Variants in SCIN observed in about 807,000 individuals in gnomAD.
The protein encoded by SCIN is adseverin.
SCIN carries 91 observed loss-of-function variants against 91.8 expected under a neutral mutation model. That is an observed-to-expected ratio of 0.99 (90% CI 0.84 to 1.18). The LOEUF is 1.18. SCIN is among the 50% of genes most tolerant of loss of function. The pLI, the probability that SCIN is intolerant of heterozygous loss-of-function variation, is 0.00. For synonymous variants in SCIN, 367 were observed against 312.6 expected (o/e 1.17, Z -1.84); for missense variants, 1,087 against 863.9 (o/e 1.26, Z -3.24).
intron 10 of SCIN, among the ~76,000 whole-genome samples, chr7:12,638,370 T>C (rs1783794585): frequency 6.6e-6 from 1 of 152,190 alleles, no homozygotes. Context: ...TTGGCCAGTT[T>C]CTGAGAAGCC....
intron 3 of SCIN, chr7:12,589,509 C>G (rs1317462716): frequency 1.3e-5 from 2 of 152,562 alleles, no homozygotes; most frequent in Non-Finnish European, 2.9e-5. Context: ...AGGCGTGAGC[C>G]ACTGCACCCG....
intron 3 of SCIN, among the ~76,000 whole-genome samples, chr7:12,594,370 G>A (rs1782792709): frequency 6.6e-6 from 1 of 152,136 alleles, no homozygotes; most frequent in Non-Finnish European, 1.5e-5. Flanking sequence ...GTAGGATTTG[G>A]AAAGTAGAGC....
At position 12,658,839 on chromosome 7, in the gene SCIN, AT is replaced by A. The variant is rs1487625517; in HGVS notation, c.*6126del. 1 of 152,230 alleles carries A rather than the reference AT, an allele frequency of 6.6e-6. No homozygotes were observed. Among genetic ancestry groups the A allele is most frequent in the African/African-American group, 2.4e-5 (1 of 41,460 alleles). The allele number at this position is 152,230 out of a possible 1,614,324, so 9.4% of individuals were successfully genotyped here. On this transcript the variant is annotated 3_prime_UTR_variant, in exon 16 of 16. Transcript: ENST00000297029. ...TGGAATATTACGAGTAGAAATTGTAATTACTGTAGAATGTATAGTGTTTTGA... is the reference window on the plus strand; with the variant it reads ...TGGAATATTACGAGTAGAAATTGTAATACTGTAGAATGTATAGTGTTTTGA...
chr7:12,584,045 C>T (rs1782539775), intron 3 of SCIN, among the ~76,000 whole-genome samples: 1 of 152,096 alleles, frequency 6.6e-6, no homozygotes, highest in Admixed American at 6.5e-5. Flanking sequence ...CCTACATAAT[C>T]TATGGCAAAT....
intron 15 of SCIN, 86 bp from the exon 16 acceptor site, chr7:12,652,502 A>C: frequency 8.3e-7 from 1 of 1,200,368 alleles, no homozygotes; most frequent in Non-Finnish European, 1.2e-6. Context: ...TTAATTCATT[A>C]CTTTTATTCG....
Position 12,586,014 on chromosome 7 carries a change from C to G in SCIN, c.516+4793C>G, listed in dbSNP as rs367764917. On this transcript the variant is annotated intron_variant, in intron 3 of 15. Transcript: ENST00000297029. ...CCTTTAGGGTCAGATTTAGACTTAA[C>G]TTCCCTGTCATTATGCAGAGACTTG... 9.2e-5 allele frequency among the ~76,000 whole-genome samples: 14 copies of G among 152,306 alleles called. No homozygotes were observed. The East Asian group carries it at 1.5e-3, about 17-fold the overall frequency.
At chr7:12,649,672 C>A in intron 14 of SCIN, 128 bp downstream of exon 14, 1 of 487,142 alleles carries the variant, frequency 2.1e-6, no homozygotes, top group Middle Eastern at 3.6e-4. Context: ...AAAAAACACA[C>A]ACACACATTT....
chr7:12,626,372 G>C (rs934394152), intron 7 of SCIN: 15 of 537,538 alleles, frequency 2.8e-5, no homozygotes, highest in Non-Finnish European at 4.6e-5. Flanking sequence ...TACTGCAGGG[G>C]TAACATATTA....
chr7:12,654,310 G>A lies in SCIN; in HGVS notation c.*1595G>A, dbSNP rs143422279. 2.1e-4 allele frequency: 32 copies of A among 152,262 alleles called. No homozygotes were observed. The highest frequency in any genetic ancestry group is 7.5e-4 in the African/African-American group (31 of 41,554). 9.4% of individuals were successfully genotyped at this position (152,262 alleles called of 1,614,324 possible). ...ATTCACTGATATTTTAGCAGATAAT[G>A]TGGCCGTCCAGGCAGGCATGAGATT... On this transcript the variant is annotated 3_prime_UTR_variant, in exon 16 of 16. Transcript: ENST00000297029.
chr7:12,622,964 G>A, intron 5 of SCIN, 71 bp downstream of exon 5: 5 of 1,079,650 alleles, frequency 4.6e-6, no homozygotes, highest in Non-Finnish European at 6.8e-6. Context: ...GTATTGGGCG[G>A]GATTCCCGTT....
chr7:12,598,873 A>C (rs1257874088), intron 3 of SCIN, among the ~76,000 whole-genome samples: 1 of 152,120 alleles, frequency 6.6e-6, no homozygotes, highest in Non-Finnish European at 1.5e-5. Flanking sequence ...GCATCACTGC[A>C]CTCCAGCCTA....
At chr7:12,649,666 A>AC (rs543378507) in intron 14 of SCIN, 122 bp downstream of exon 14, 6 of 507,026 alleles carry the variant, frequency 1.2e-5, no homozygotes, top group East Asian at 3.3e-5. Context: ...GTATTTAAAA[A>AC]ACACACACAC....
chr7:12,637,543 A>G (rs972725533), intron 10 of SCIN, among the ~76,000 whole-genome samples: 1 of 151,690 alleles, frequency 6.6e-6, no homozygotes, highest in African/African-American at 2.4e-5. Flanking sequence ...AGAGAGGGAA[A>G]TCATGGAGGA....
Position 12,636,074 on chromosome 7 carries a change from T to G in SCIN, c.1349T>G (p.Leu450Arg), listed in dbSNP as rs757168933. Residue 450 changes from leucine to arginine, a missense_variant, in exon 10 of 16, where the codon CTG becomes CGG. Coordinates refer to ENST00000297029, the MANE Select transcript of SCIN (RefSeq NM_001112706.3). ...GGAGCAAATGCCACACGAGATGAGC[T>G]GACAACATCTGCGTTCCTGACTGTT... ...WQGANATRDE[L>R]TTSAFLTVQL... 6.2e-7 allele frequency: 1 copy of G among 1,613,086 alleles called. No homozygotes were observed. The highest frequency in any genetic ancestry group is 8.5e-7 in the Non-Finnish European group (1 of 1,179,646).
At chr7:12,644,915 T>C (rs528243550) in intron 13 of SCIN, among the ~76,000 whole-genome samples, 173 of 150,070 alleles carry the variant, frequency 1.2e-3, no homozygotes, top group African/African-American at 3.7e-3. Flanking sequence ...TCGGGAGGCT[T>C]GAGGCAGGAG....
rs961073099 is a variant in SCIN at position 12,651,391 on chromosome 7, A to T, written c.1960-450A>T. Among the ~76,000 whole-genome samples, 3 of 152,232 alleles carry T rather than the reference A, an allele frequency of 2.0e-5. No individual in the cohort carries two copies. The highest frequency in any genetic ancestry group is 7.2e-5 in the African/African-American group (3 of 41,450). On this transcript the variant is annotated intron_variant, in intron 14 of 15. Coordinates refer to ENST00000297029, the MANE Select transcript of SCIN (RefSeq NM_001112706.3). The surrounding 1 kb of genome is among the most constrained non-coding windows in gnomAD (Gnocchi z 5.9). ...ACAGATGCAGATCTTCCCCTACAAAAGGCAGATTTGCAGGGCTATTTCTGT... is the reference window on the plus strand; with the variant it reads ...ACAGATGCAGATCTTCCCCTACAAATGGCAGATTTGCAGGGCTATTTCTGT...
Position 12,648,925 on chromosome 7 carries a change from T to C in SCIN, c.1882-542T>C, listed in dbSNP as rs547341160. On this transcript the variant is annotated intron_variant, in intron 13 of 15. Transcript: ENST00000297029. ...GGAGGAGTTAAAGTTTCACTGACAA[T>C]AGGCAGAAACAGAGAAATTTTAGCA... 7.4e-4 allele frequency among the ~76,000 whole-genome samples: 112 copies of C among 152,246 alleles called. 1 individual carries two copies. Among genetic ancestry groups the C allele is most frequent in the Middle Eastern group, 6.8e-3 (2 of 294 alleles).
chr7:12,584,781 T>C (rs915685347), intron 3 of SCIN, among the ~76,000 whole-genome samples: 2 of 152,220 alleles, frequency 1.3e-5, no homozygotes, highest in South Asian at 2.1e-4. Flanking sequence ...TTTAAAGATA[T>C]GAACTATTTT....
intron 4 of SCIN, among the ~76,000 whole-genome samples, chr7:12,606,451 T>G (rs1452138959): frequency 6.6e-6 from 1 of 152,210 alleles, no homozygotes; most frequent in Non-Finnish European, 1.5e-5. Context: ...GATCAGAAAT[T>G]ATATGAAATA....
Sources: gnomAD v4.1 joint callset for allele counts (sites outside exome capture counted in the v4.1 genomes callset) on GRCh38, gnomAD v4.1.1 for gene constraint, Gnocchi (gnomAD v3.1) non-coding constraint, MANE v1.5 for transcripts, NCBI Gene and HGNC (gene_info 2026-07-23, HGNC 2026-07-21) for gene names.